Variants in ST6GALNAC3 observed in about 807,000 individuals in gnomAD.
ST6GALNAC3 encodes ST6 N-acetylgalactosaminide alpha-2,6-sialyltransferase 3.
Under a neutral mutation model 32.7 loss-of-function variants are expected in ST6GALNAC3, and 25 were observed. The ratio of observed to expected loss-of-function variants is 0.76; its 90% confidence interval spans 0.56 to 1.07. The LOEUF (loss-of-function observed/expected upper bound fraction) is 1.07. ST6GALNAC3 is among the 50% of genes least tolerant of loss of function. The pLI, the probability that ST6GALNAC3 is intolerant of heterozygous loss-of-function variation, is 0.00. For missense variants in ST6GALNAC3, 355 were observed against 382.4 expected (o/e 0.93, Z 0.60); for synonymous variants, 129 against 133.1 (o/e 0.97, Z 0.21).
intron 1 of ST6GALNAC3, among the ~76,000 whole-genome samples, chr1:76,268,097 T>C (rs1174091166): frequency 1.3e-5 from 2 of 152,230 alleles, no homozygotes; most frequent in African/African-American, 4.8e-5. Flanking sequence ...TGAAATTCCA[T>C]TATTGATGTG....
intron 2 of ST6GALNAC3, among the ~76,000 whole-genome samples, chr1:76,318,780 C>T (rs866280488): frequency 1.3e-5 from 2 of 152,066 alleles, no homozygotes; most frequent in Non-Finnish European, 2.9e-5. Context: ...CCTATTTTCC[C>T]CTTGAAACAA....
At chr1:76,598,742 A>T (rs1378389134) in intron 3 of ST6GALNAC3, among the ~76,000 whole-genome samples, 1 of 152,142 alleles carries the variant, frequency 6.6e-6, no homozygotes, top group Non-Finnish European at 1.5e-5. Flanking sequence ...ACAAATTAAA[A>T]AAAAAAAAAT....
intron 1 of ST6GALNAC3, among the ~76,000 whole-genome samples, chr1:76,298,336 C>T (rs1445479762): frequency 6.6e-6 from 1 of 151,916 alleles, no homozygotes; most frequent in Non-Finnish European, 1.5e-5. Context: ...AGAATCCTTA[C>T]GATTGATGGG....
chr1:76,264,186 A>G (rs1658403820), intron 1 of ST6GALNAC3, among the ~76,000 whole-genome samples: 1 of 152,170 alleles, frequency 6.6e-6, no homozygotes, highest in Non-Finnish European at 1.5e-5. Flanking sequence ...TCTATTACTT[A>G]GAGCAAGCAG....
chr1:76,081,977 G>C (rs1162472541), intron 1 of ST6GALNAC3, among the ~76,000 whole-genome samples: 1 of 152,166 alleles, frequency 6.6e-6, no homozygotes, highest in Non-Finnish European at 1.5e-5. Context: ...AACGTTATTA[G>C]TATTATTAGT....
chr1:76,374,905 G>GTT (rs76057182), intron 2 of ST6GALNAC3, among the ~76,000 whole-genome samples: 2 of 151,580 alleles, frequency 1.3e-5, no homozygotes, highest in Non-Finnish European at 2.9e-5. Context: ...ACCAAAAAAT[G>GTT]TTTTTTTTGT....
intron 1 of ST6GALNAC3, among the ~76,000 whole-genome samples, chr1:76,230,231 T>C (rs139298269): frequency 5.4e-4 from 82 of 152,328 alleles, no homozygotes; most frequent in Middle Eastern, 6.8e-3. Context: ...AGCGTTAAGA[T>C]GAGAAGTTGA....
intron 1 of ST6GALNAC3, among the ~76,000 whole-genome samples, chr1:76,227,698 A>G (rs1656153875): frequency 6.6e-6 from 1 of 152,224 alleles, no homozygotes; most frequent in Non-Finnish European, 1.5e-5. Context: ...TCTGACTTAT[A>G]GTTTAAAAGT....
chr1:76,352,558 C>T (rs897105880), intron 2 of ST6GALNAC3, among the ~76,000 whole-genome samples: 1 of 135,700 alleles, frequency 7.4e-6, no homozygotes, highest in Non-Finnish European at 1.5e-5. Context: ...TGCTAAAGAG[C>T]TTGAGCTCTT....
intron 1 of ST6GALNAC3, among the ~76,000 whole-genome samples, chr1:76,217,746 G>T (rs539183376): frequency 6.6e-6 from 1 of 152,200 alleles, no homozygotes; most frequent in Non-Finnish European, 1.5e-5. Context: ...TAGCTCCCAC[G>T]TATGAGAGAG....
chr1:76,576,808 T>G (rs1646816675), intron 3 of ST6GALNAC3: 1 of 1,300,098 alleles, frequency 7.7e-7, no homozygotes, highest in Non-Finnish European at 1.0e-6. Context: ...CTAACTAATT[T>G]TCTTCTGCCA....
At chr1:76,110,050 G>T (rs1647815572) in intron 1 of ST6GALNAC3, among the ~76,000 whole-genome samples, 1 of 152,220 alleles carries the variant, frequency 6.6e-6, no homozygotes, top group Non-Finnish European at 1.5e-5. Flanking sequence ...TTGTTTATTG[G>T]ATATCTGGAT....
intron 3 of ST6GALNAC3, among the ~76,000 whole-genome samples, chr1:76,519,495 T>C (rs966780829): frequency 6.6e-6 from 1 of 152,162 alleles, no homozygotes; most frequent in African/African-American, 2.4e-5. Flanking sequence ...ATGTGAGTAG[T>C]AGACTGACGA....
chr1:76,433,098 G>A (rs998534072), intron 3 of ST6GALNAC3, among the ~76,000 whole-genome samples: 4 of 151,902 alleles, frequency 2.6e-5, no homozygotes, highest in Admixed American at 6.6e-5. Flanking sequence ...CTTTCTCAGA[G>A]CTCTTGCCTC....
chr1:76,496,951 C>A (rs994536870), intron 3 of ST6GALNAC3, among the ~76,000 whole-genome samples: 3 of 152,124 alleles, frequency 2.0e-5, no homozygotes, highest in Non-Finnish European at 2.9e-5. Flanking sequence ...GCCATTCTGC[C>A]CTCTGGCTTC....
chr1:76,258,149 A>T (rs1421590094), intron 1 of ST6GALNAC3, among the ~76,000 whole-genome samples: 2 of 152,206 alleles, frequency 1.3e-5, no homozygotes, highest in East Asian at 3.8e-4. Flanking sequence ...CCTTGGTTAA[A>T]ATGAGTCACA....
chr1:76,522,495 G>A (rs1662608405), intron 3 of ST6GALNAC3, among the ~76,000 whole-genome samples: 1 of 151,420 alleles, frequency 6.6e-6, no homozygotes, highest in Non-Finnish European at 1.5e-5. Flanking sequence ...TTTCCACTTG[G>A]GTCTTTTCTA....
intron 1 of ST6GALNAC3, among the ~76,000 whole-genome samples, chr1:76,258,664 A>G (rs1480723540): frequency 1.3e-5 from 2 of 152,140 alleles, no homozygotes; most frequent in African/African-American, 4.8e-5. Context: ...CCTACTATAT[A>G]TAAGGGCCTG....
chr1:76,588,994 A>C (rs1376339442), intron 3 of ST6GALNAC3, among the ~76,000 whole-genome samples: 1 of 152,150 alleles, frequency 6.6e-6, no homozygotes, highest in Non-Finnish European at 1.5e-5. Context: ...TTCTCTGTTT[A>C]AAGCACTTAG....
Sources: allele counts gnomAD v4.1 joint callset (sites outside exome capture counted in the v4.1 genomes callset), GRCh38; gene constraint gnomAD v4.1.1; transcripts MANE v1.5; gene names NCBI Gene and HGNC (gene_info 2026-07-23, HGNC 2026-07-21).